Variants in SIPA1L1 observed in about 807,000 individuals in gnomAD.
The protein encoded by SIPA1L1 is signal-induced proliferation-associated 1-like protein 1.
A neutral mutation model predicts 162.7 loss-of-function variants in SIPA1L1; 26 were observed. The observed-to-expected ratio is 0.16, with a 90% CI of 0.12 to 0.22. The LOEUF (loss-of-function observed/expected upper bound fraction) is 0.22. SIPA1L1 is among the 10% of genes least tolerant of loss of function. The pLI is 1.00. For synonymous variants in SIPA1L1, 829 were observed against 837.4 expected (o/e 0.99, Z 0.17); for missense variants, 1,874 against 2,241.0 (o/e 0.84, Z 3.31).
intron 2 of SIPA1L1, among the ~76,000 whole-genome samples, chr14:71,415,626 A>AC (rs1287695560): frequency 1.3e-5 from 2 of 151,750 alleles, no homozygotes; most frequent in Non-Finnish European, 2.9e-5. Context: ...TTCTAGATAT[A>AC]CTTTTTTTTT....
intron 7 of SIPA1L1, among the ~76,000 whole-genome samples, chr14:71,643,570 G>A (rs949013173): frequency 1.3e-5 from 2 of 152,196 alleles, no homozygotes; most frequent in Non-Finnish European, 1.5e-5. Context: ...TGCAAAGAAA[G>A]TATCGTTTTT....
intron 2 of SIPA1L1, among the ~76,000 whole-genome samples, chr14:71,389,050 G>A (rs984726206): frequency 6.6e-6 from 1 of 152,156 alleles, no homozygotes; most frequent in Admixed American, 6.5e-5. Flanking sequence ...GAAGTGCTGG[G>A]ATTACAGGCA....
chr14:71,445,640 C>A (rs1208394841), intron 2 of SIPA1L1, among the ~76,000 whole-genome samples: 1 of 152,106 alleles, frequency 6.6e-6, no homozygotes, highest in East Asian at 1.9e-4. Flanking sequence ...AATTATCTCT[C>A]AAATGTAAAA....
Position 71,729,651 on chromosome 14 carries a change from G to T in SIPA1L1, c.4615-404G>T, listed in dbSNP as rs1028695513. On this transcript the variant is annotated intron_variant, in intron 19 of 23. Transcript: ENST00000381232. ...GTCCAGCGTTTTGTTTAATCCCTGT[G>T]GTAATCCTGAGAGGTTTTGTGCTCC... is the stretch of plus-strand genomic sequence containing the variant. Among the ~76,000 whole-genome samples, 4 of 152,114 alleles carry T rather than the reference G, an allele frequency of 2.6e-5. No individual in the cohort carries two copies. The South Asian group carries it at 8.3e-4, about 32-fold the overall frequency.
At chr14:71,643,032 C>T (rs891092917) in intron 7 of SIPA1L1, among the ~76,000 whole-genome samples, 41 of 151,046 alleles carry the variant, frequency 2.7e-4, no homozygotes, top group African/African-American at 9.5e-4. Context: ...ACCTAATATT[C>T]ATATAATTGG....
At chr14:71,465,798 A>T (rs1218299697) in intron 2 of SIPA1L1, among the ~76,000 whole-genome samples, 2 of 152,204 alleles carry the variant, frequency 1.3e-5, no homozygotes, top group Admixed American at 6.5e-5. Flanking sequence ...GGCTGTCTGC[A>T]AGCTTGAGGA....
At chr14:71,521,760 C>T (rs2052379472) in intron 3 of SIPA1L1, among the ~76,000 whole-genome samples, 1 of 152,180 alleles carries the variant, frequency 6.6e-6, no homozygotes, top group South Asian at 2.1e-4. Context: ...GGAGCCGTAT[C>T]AGTTAACACT....
chr14:71,650,295 C>T, intron 7 of SIPA1L1, 40 bp from the exon 8 acceptor site: 1 of 1,604,278 alleles, frequency 6.2e-7, no homozygotes, highest in South Asian at 1.1e-5. Context: ...CAAAGTGGAT[C>T]TGCCTATATT....
At chr14:71,321,516 C>G (rs1201367450) in intron 2 of SIPA1L1, 2 of 152,346 alleles carry the variant, frequency 1.3e-5, no homozygotes, top group Admixed American at 1.3e-4. Context: ...GCGACCCTTC[C>G]CCTCCAGTCA....
chr14:71,477,470 G>A (rs544570862), intron 2 of SIPA1L1, among the ~76,000 whole-genome samples: 98 of 152,226 alleles, frequency 6.4e-4, no homozygotes, highest in African/African-American at 2.3e-3. Flanking sequence ...TTATGTGGAA[G>A]TATAGAGCAG....
chr14:71,628,823 A>G (rs1202451269), intron 7 of SIPA1L1, among the ~76,000 whole-genome samples: 1 of 152,192 alleles, frequency 6.6e-6, no homozygotes, highest in East Asian at 1.9e-4. Context: ...TGGGTGGTCC[A>G]TACTCAGAAC....
chr14:71,543,656 C>G (rs894316700), intron 4 of SIPA1L1, among the ~76,000 whole-genome samples: 3 of 146,598 alleles, frequency 2.0e-5, no homozygotes, highest in Non-Finnish European at 4.5e-5. Flanking sequence ...TTTTGAGCAT[C>G]TTTTTATGTG....
chr14:71,724,560 C>T, intron 18 of SIPA1L1, 110 bp from the exon 19 acceptor site: 1 of 791,572 alleles, frequency 1.3e-6, no homozygotes, highest in Non-Finnish European at 2.0e-6. Context: ...TGTTTCTCCA[C>T]ATAATATTTC....
intron 8 of SIPA1L1, among the ~76,000 whole-genome samples, chr14:71,652,177 T>G (rs1029283694): frequency 3.9e-5 from 6 of 152,220 alleles, no homozygotes; most frequent in African/African-American, 1.2e-4. Context: ...TCATCTCTTT[T>G]ACTCCAAGCT....
chr14:71,721,611 C>T (rs2083742126), intron 17 of SIPA1L1, among the ~76,000 whole-genome samples: 1 of 152,190 alleles, frequency 6.6e-6, no homozygotes, highest in Non-Finnish European at 1.5e-5. Flanking sequence ...ATTCCACCTG[C>T]TTTATTTTCC....
chr14:71,587,739 T>C lies in SIPA1L1; in HGVS notation c.-134T>C. ...TACAAATAAAGCATCATTTAACCTT[T>C]TAAATGAAAAAGATTAAGATCTCAT... On this transcript the variant is annotated 5_prime_UTR_variant, in exon 5 of 24. Transcript: ENST00000381232. 1.2e-6 allele frequency: 1 copy of C among 852,560 alleles called. No homozygotes were observed. Among genetic ancestry groups the C allele is most frequent in the Non-Finnish European group, 1.8e-6 (1 of 551,810 alleles). The allele number at this position is 852,560 out of a possible 1,614,324, so 52.8% of individuals were successfully genotyped here.
chr14:71,387,248 CAAAAAAAAAAAAAAAAA>C (rs398025583), intron 2 of SIPA1L1, among the ~76,000 whole-genome samples: 17 of 53,882 alleles, frequency 3.2e-4, no homozygotes, highest in African/African-American at 1.0e-3. Flanking sequence ...AACTCTGTCT[CAAAAAAAAAAAAAAAAA>C]AAAAAAAAAA....
intron 2 of SIPA1L1, among the ~76,000 whole-genome samples, chr14:71,424,449 T>G (rs1410222694): frequency 6.6e-6 from 1 of 152,126 alleles, no homozygotes; most frequent in African/African-American, 2.4e-5. Context: ...AGGTAGTTTC[T>G]TTCTATTCCT....
chr14:71,674,412 G>A (rs1372762715), intron 12 of SIPA1L1, among the ~76,000 whole-genome samples: 1 of 152,040 alleles, frequency 6.6e-6, no homozygotes, highest in Admixed American at 6.6e-5. Flanking sequence ...GATATATTGT[G>A]GTGTGTCAGT....
Sources: gnomAD v4.1 joint callset for allele counts (sites outside exome capture counted in the v4.1 genomes callset) on GRCh38, gnomAD v4.1.1 for gene constraint, MANE v1.5 for transcripts, NCBI Gene and HGNC (gene_info 2026-07-23, HGNC 2026-07-21) for gene names.